Variants in DSCAM observed in about 807,000 individuals in gnomAD.
The protein encoded by DSCAM is DS cell adhesion molecule, also known as cell adhesion molecule DSCAM.
A neutral mutation model predicts 217.7 loss-of-function variants in DSCAM; 47 were observed. The observed-to-expected ratio is 0.22, with a 90% confidence interval of 0.17 to 0.28. The LOEUF is 0.28. Among genes scored for constraint, DSCAM ranks in the 10% least tolerant of loss-of-function variants. The pLI, the probability that DSCAM is intolerant of heterozygous loss-of-function variation, is 1.00. For missense variants in DSCAM, 2,080 were observed against 2,618.3 expected (o/e 0.79, Z 4.49); for synonymous variants, 1,056 against 1,015.3 (o/e 1.04, Z -0.76).
chr21:40,339,443 G>A (rs1469845056), intron 6 of DSCAM, 28 bp from the exon 7 acceptor site: 2 of 1,561,888 alleles, frequency 1.3e-6, no homozygotes, highest in Non-Finnish European at 1.7e-6. Context: ...ATGGAAGAAA[G>A]TGGCACATAC....
At chr21:40,781,792 C>T (rs2091546371) in intron 1 of DSCAM, among the ~76,000 whole-genome samples, 1 of 152,022 alleles carries the variant, frequency 6.6e-6, no homozygotes, top group Non-Finnish European at 1.5e-5. Context: ...AGCCAAACTG[C>T]ACTAGGTTTC....
intron 1 of DSCAM, among the ~76,000 whole-genome samples, chr21:40,807,985 A>G (rs982934290): frequency 1.2e-4 from 18 of 152,138 alleles, no homozygotes; most frequent in African/African-American, 4.3e-4. Context: ...TTCTGGGCCT[A>G]AGTACACATC....
At chr21:40,398,687 T>G (rs138996998) in intron 3 of DSCAM, among the ~76,000 whole-genome samples, 1,600 of 146,826 alleles carry the variant, frequency 0.011, 33 homozygotes, top group African/African-American at 0.038. Context: ...CAGGCTGGAG[T>G]GCAGTGGCAT....
At chr21:40,179,184 C>CAAAAGAAA (rs2090770177) in intron 14 of DSCAM, 90 bp from the exon 15 acceptor site, 1 of 100,436 alleles carries the variant, frequency 1.0e-5, no homozygotes. Context: ...AATTAAAAAC[C>CAAAAGAAA]AAAAAAAAAA....
intron 3 of DSCAM, among the ~76,000 whole-genome samples, chr21:40,409,480 CCA>C (rs2075304805): frequency 6.6e-6 from 1 of 152,144 alleles, no homozygotes; most frequent in East Asian, 1.9e-4. Context: ...GCTGAAGAGG[CCA>C]CAGAGCTAGA....
rs1434109175 is a variant in DSCAM, at chr21:40,643,092, A to G, written c.508+49718T>C. Reference sequence around the variant, plus strand: ...TAGAGGGATGAGTGGCGGGGTGGGTAGATGAAGAGACACTAGAGATTAATA... The same window carrying G: ...TAGAGGGATGAGTGGCGGGGTGGGTGGATGAAGAGACACTAGAGATTAATA... On this transcript the variant is annotated intron_variant, in intron 3 of 32. Coordinates refer to ENST00000400454, the MANE Select transcript of DSCAM (RefSeq NM_001389.5). 2.6e-5 allele frequency among the ~76,000 whole-genome samples: 4 copies of G among 152,180 alleles called. No individual in the cohort carries two copies. The East Asian group carries it at 7.7e-4, about 29-fold the overall frequency.
At chr21:40,243,859 T>C (rs188023198) in intron 11 of DSCAM, among the ~76,000 whole-genome samples, 1 of 152,090 alleles carries the variant, frequency 6.6e-6, no homozygotes, top group Admixed American at 6.5e-5. Flanking sequence ...ATGGAGACGG[T>C]CTACCGGGGC....
chr21:40,385,165 C>A (rs1313529740), intron 3 of DSCAM: 4 of 152,140 alleles, frequency 2.6e-5, no homozygotes, highest in Non-Finnish European at 5.9e-5. Flanking sequence ...CTTTGTTTTT[C>A]AAACTTACAT....
intron 3 of DSCAM, among the ~76,000 whole-genome samples, chr21:40,679,687 C>G (rs1305363535): frequency 6.6e-6 from 1 of 152,072 alleles, no homozygotes; most frequent in Non-Finnish European, 1.5e-5. Flanking sequence ...TTCATTCTGC[C>G]TTATTGTCAT....
chr21:40,508,051 A>G (rs1450610898), intron 3 of DSCAM, among the ~76,000 whole-genome samples: 1 of 152,158 alleles, frequency 6.6e-6, no homozygotes, highest in Non-Finnish European at 1.5e-5. Context: ...GCCACCCTAC[A>G]TGGAGAGAGT....
intron 3 of DSCAM, among the ~76,000 whole-genome samples, chr21:40,621,887 AAGAG>A (rs1243651200): frequency 4.8e-4 from 60 of 125,012 alleles, no homozygotes; most frequent in Middle Eastern, 4.1e-3. Flanking sequence ...GAAAGAAAGA[AAGAG>A]AGAGAGAGAA....
At chr21:40,110,891 G>C (rs2089890307) in intron 20 of DSCAM, among the ~76,000 whole-genome samples, 1 of 152,198 alleles carries the variant, frequency 6.6e-6, no homozygotes, top group Non-Finnish European at 1.5e-5. Flanking sequence ...AATGAACAAA[G>C]CCTCCAAGAA....
At chr21:40,566,926 T>A (rs1359764638) in intron 3 of DSCAM, among the ~76,000 whole-genome samples, 1 of 151,950 alleles carries the variant, frequency 6.6e-6, no homozygotes. Context: ...TGGACACAGG[T>A]TGAAGATGAC....
intron 3 of DSCAM, among the ~76,000 whole-genome samples, chr21:40,490,693 C>T (rs1202121511): frequency 6.6e-6 from 1 of 152,168 alleles, no homozygotes; most frequent in Non-Finnish European, 1.5e-5. Flanking sequence ...GGATGAGGAC[C>T]AATTGTTAAT....
intron 3 of DSCAM, among the ~76,000 whole-genome samples, chr21:40,382,713 T>C (rs548864966): frequency 6.6e-6 from 1 of 152,008 alleles, no homozygotes; most frequent in East Asian, 1.9e-4. Flanking sequence ...TCTGACCCCA[T>C]GAGAATCTTT....
chr21:40,839,643 T>G (rs540083991), intron 1 of DSCAM, among the ~76,000 whole-genome samples: 1 of 152,232 alleles, frequency 6.6e-6, no homozygotes, highest in East Asian at 1.9e-4. Context: ...ATGCTTTTTT[T>G]TTTGTTTTTT....
chr21:40,243,913 C>T (rs537054271), intron 11 of DSCAM, among the ~76,000 whole-genome samples: 1 of 152,240 alleles, frequency 6.6e-6, no homozygotes, highest in South Asian at 2.1e-4. Flanking sequence ...CTGACGGTGA[C>T]GGGGTCATTT....
chr21:40,723,082 C>T (rs943411173), intron 1 of DSCAM, among the ~76,000 whole-genome samples: 9 of 147,496 alleles, frequency 6.1e-5, no homozygotes, highest in African/African-American at 2.3e-4. Context: ...AGCTGGGTCT[C>T]TCTCGCTCTT....
intron 3 of DSCAM, among the ~76,000 whole-genome samples, chr21:40,382,014 C>T (rs1043976474): frequency 2.0e-5 from 3 of 152,124 alleles, no homozygotes; most frequent in African/African-American, 7.2e-5. Context: ...CTATGTATCT[C>T]TTACTGTGAG....
Sources: allele counts gnomAD v4.1 joint callset (sites outside exome capture counted in the v4.1 genomes callset), GRCh38; gene constraint gnomAD v4.1.1; transcripts MANE v1.5; gene names NCBI Gene and HGNC (gene_info 2026-07-23, HGNC 2026-07-21).